Variants in GRIN2B observed in about 807,000 individuals in gnomAD.
GRIN2B encodes glutamate ionotropic receptor NMDA type subunit 2B, also known as glutamate receptor ionotropic, NMDA 2B.
In GRIN2B, 5 loss-of-function variants were observed where a neutral mutation model predicts 114.5. The observed-to-expected ratio is 0.04, with a 90% confidence interval of 0.02 to 0.09. The LOEUF (loss-of-function observed/expected upper bound fraction) is 0.09. Ranked by LOEUF, GRIN2B falls within the 10% of genes least tolerant of loss-of-function variation. The probability of loss-of-function intolerance (pLI) is 1.00; values close to 1 mark genes in which losing one functional copy is unlikely to be tolerated. For synonymous variants in GRIN2B, 787 were observed against 745.1 expected (o/e 1.06, Z -0.92); for missense variants, 1,108 against 1,943.5 (o/e 0.57, Z 8.08).
Position 13,927,807 on chromosome 12 carries a change from TA to T in GRIN2B, c.-19+52120del, listed in dbSNP as rs111780557. 7.1e-3 allele frequency among the ~76,000 whole-genome samples: 1,014 copies of T among 143,342 alleles called. 13 individuals carry two copies. Among genetic ancestry groups the T allele is most frequent in the African/African-American group, 0.025 (966 of 38,788 alleles). 94.0% of individuals were successfully genotyped at this position (143,342 alleles called of 152,430 possible). ...CCATCTCTACAAAAAAAATAAAAATTAAAAAAAAAATTAGCTGGGTGTTGTG... is the reference window on the plus strand; with the variant it reads ...CCATCTCTACAAAAAAAATAAAAATTAAAAAAAAATTAGCTGGGTGTTGTG... On this transcript the variant is annotated intron_variant, in intron 2 of 13. Transcript: ENST00000609686.
intron 4 of GRIN2B, among the ~76,000 whole-genome samples, chr12:13,698,174 G>A (rs981461049): frequency 5.3e-5 from 8 of 152,242 alleles, no homozygotes; most frequent in African/African-American, 1.9e-4. Context: ...TGAGGGATGC[G>A]CGTGCATGCT....
chr12:13,872,957 AAAT>A (rs1252667329), intron 2 of GRIN2B, among the ~76,000 whole-genome samples: 1 of 152,180 alleles, frequency 6.6e-6, no homozygotes, highest in African/African-American at 2.4e-5. Flanking sequence ...ATTCTTATCA[AAAT>A]AATAGTAAGA....
chr12:13,865,664 T>C, intron 3 of GRIN2B, 134 bp downstream of exon 3: 1 of 811,550 alleles, frequency 1.2e-6, no homozygotes. Flanking sequence ...AAGGATTAAT[T>C]GCTGGCCTAT....
intron 3 of GRIN2B, among the ~76,000 whole-genome samples, chr12:13,807,521 G>A (rs2160730): frequency 0.32 from 49,251 of 151,636 alleles, 8,683 homozygotes; most frequent in South Asian, 0.5. Context: ...CTAGGCAAAG[G>A]CAGAATCTCA....
intron 10 of GRIN2B, among the ~76,000 whole-genome samples, chr12:13,579,144 C>T (rs1199255236): frequency 1.3e-5 from 2 of 152,042 alleles, no homozygotes. Flanking sequence ...TTCAAAGACA[C>T]AAGGTGGTGA....
chr12:13,726,854 G>A (rs762011625), intron 4 of GRIN2B, among the ~76,000 whole-genome samples: 5 of 151,888 alleles, frequency 3.3e-5, no homozygotes, highest in South Asian at 2.1e-4. Context: ...AGTCCATTGT[G>A]TCATTCTTAT....
At chr12:13,587,236 ATTCCCT>A (rs1233463492) in intron 10 of GRIN2B, among the ~76,000 whole-genome samples, 38 of 152,162 alleles carry the variant, frequency 2.5e-4, no homozygotes, top group African/African-American at 9.2e-4. Context: ...TAGACTGGTC[ATTCCCT>A]GGAAACCCTT....
chr12:13,702,204 T>C (rs1458634923), intron 4 of GRIN2B, among the ~76,000 whole-genome samples: 1 of 152,196 alleles, frequency 6.6e-6, no homozygotes, highest in Non-Finnish European at 1.5e-5. Context: ...TACCATCACA[T>C]CCAGAGTAAC....
intron 2 of GRIN2B, among the ~76,000 whole-genome samples, chr12:13,968,795 C>T (rs1015603886): frequency 6.6e-6 from 1 of 152,146 alleles, no homozygotes; most frequent in African/African-American, 2.4e-5. Context: ...AATGATGACC[C>T]CTGTTAATAG....
chr12:13,769,085 T>C (rs1863857361), intron 3 of GRIN2B, among the ~76,000 whole-genome samples: 1 of 152,084 alleles, frequency 6.6e-6, no homozygotes, highest in African/African-American at 2.4e-5. Flanking sequence ...CTACCGCTAG[T>C]TACTATTTCC....
intron 10 of GRIN2B, among the ~76,000 whole-genome samples, chr12:13,588,365 C>G (rs1266091015): frequency 6.6e-6 from 1 of 152,114 alleles, no homozygotes; most frequent in East Asian, 1.9e-4. Context: ...TGTGGGGCAA[C>G]TTATTAAACA....
chr12:13,736,115 T>C (rs1358463923), intron 4 of GRIN2B, among the ~76,000 whole-genome samples: 1 of 111,212 alleles, frequency 9.0e-6, no homozygotes, highest in African/African-American at 3.6e-5. Flanking sequence ...AAACATGAAC[T>C]ATCATCTCCC....
At chr12:13,820,292 T>C (rs1864909690) in intron 3 of GRIN2B, among the ~76,000 whole-genome samples, 1 of 152,144 alleles carries the variant, frequency 6.6e-6, no homozygotes, top group Admixed American at 6.5e-5. Context: ...CCCTATATAT[T>C]TGATACTTCT....
At chr12:13,959,360 G>A (rs1867651733) in intron 2 of GRIN2B, among the ~76,000 whole-genome samples, 1 of 152,192 alleles carries the variant, frequency 6.6e-6, no homozygotes, top group Admixed American at 6.5e-5. Context: ...GGGAGAGGGA[G>A]GTCAGGCTGC....
chr12:13,855,049 G>GA lies in GRIN2B; in HGVS notation c.411+10748dup, dbSNP rs3082840. 5.2e-3 allele frequency among the ~76,000 whole-genome samples: 456 copies of GA among 87,996 alleles called. 9 individuals carry two copies. Among genetic ancestry groups the GA allele is most frequent in the Middle Eastern group, 0.014 (2 of 142 alleles). 57.7% of individuals were successfully genotyped at this position (87,996 alleles called of 152,430 possible). ...AACATGGTGAAACCCCATCTCTACT[G>GA]AAAAAAAAAAAAAAAAAAAATTGCC... is the stretch of plus-strand genomic sequence containing the variant. On this transcript the variant is annotated intron_variant, in intron 3 of 13. Transcript: ENST00000609686.
At chr12:13,656,331 C>T (rs1403686388) in intron 5 of GRIN2B, among the ~76,000 whole-genome samples, 2 of 152,036 alleles carry the variant, frequency 1.3e-5, no homozygotes, top group Non-Finnish European at 2.9e-5. Flanking sequence ...CAGAATAAAA[C>T]GAACAAACAA....
At chr12:13,657,926 C>A (rs900783965) in intron 5 of GRIN2B, among the ~76,000 whole-genome samples, 2 of 152,116 alleles carry the variant, frequency 1.3e-5, no homozygotes, top group East Asian at 3.8e-4. Context: ...CATTTATAGG[C>A]TGGGCACAGT....
At chr12:13,889,287 T>C (rs1228169298) in intron 2 of GRIN2B, among the ~76,000 whole-genome samples, 1 of 152,186 alleles carries the variant, frequency 6.6e-6, no homozygotes, top group Non-Finnish European at 1.5e-5. Context: ...ACGTGGTCCA[T>C]CATTGACCAA....
chr12:13,854,530 G>T (rs541590325), intron 3 of GRIN2B, among the ~76,000 whole-genome samples: 106 of 151,728 alleles, frequency 7.0e-4, no homozygotes, highest in Admixed American at 1.6e-3. Context: ...AAAACAAGAA[G>T]CAAAAAGCAA....
Sources: gnomAD v4.1 joint callset for allele counts (sites outside exome capture counted in the v4.1 genomes callset) on GRCh38, gnomAD v4.1.1 for gene constraint, MANE v1.5 for transcripts, NCBI Gene and HGNC (gene_info 2026-07-23, HGNC 2026-07-21) for gene names.